Variants in PPP2R2B observed in about 807,000 individuals in gnomAD.
PPP2R2B encodes the protein protein phosphatase 2 regulatory subunit Bbeta.
Under a neutral mutation model 46.0 loss-of-function variants are expected in PPP2R2B, and 5 were observed. The observed-to-expected ratio is 0.11, with a 90% CI of 0.06 to 0.23. The LOEUF (loss-of-function observed/expected upper bound fraction) is 0.23, where lower values mean the gene tolerates loss of function less well. PPP2R2B is among the 10% of genes least tolerant of loss of function. PPP2R2B has a pLI of 1.00. For synonymous variants in PPP2R2B, 215 were observed against 206.7 expected, an observed-to-expected ratio of 1.04 and a Z score of -0.34; for missense variants, 367 against 575.0, an observed-to-expected ratio of 0.64 and a Z score of 3.70.
At chr5:146,686,921 G>A (rs1267857262) in intron 5 of PPP2R2B, among the ~76,000 whole-genome samples, 1 of 151,960 alleles carries the variant, frequency 6.6e-6, no homozygotes, top group East Asian at 1.9e-4. Flanking sequence ...GGGAAGAAGG[G>A]CATGGAGGGT....
intron 4 of PPP2R2B, among the ~76,000 whole-genome samples, chr5:146,692,345 T>C (rs552902523): frequency 2.0e-5 from 3 of 152,204 alleles, no homozygotes; most frequent in African/African-American, 2.4e-5. Context: ...CCCCAGCACT[T>C]TTTACAACTT....
chr5:147,015,707 C>G (rs1233265831), intron 1 of PPP2R2B, among the ~76,000 whole-genome samples: 2 of 150,928 alleles, frequency 1.3e-5, no homozygotes, highest in African/African-American at 4.8e-5. Flanking sequence ...AATCTTTATT[C>G]TCTTAATGTA....
At chr5:146,888,587 C>T (rs889698432) in intron 1 of PPP2R2B, among the ~76,000 whole-genome samples, 13 of 152,298 alleles carry the variant, frequency 8.5e-5, no homozygotes, top group African/African-American at 2.4e-4. Context: ...GTCACTTTTC[C>T]GCTCAAAGGC....
intron 1 of PPP2R2B, among the ~76,000 whole-genome samples, chr5:147,017,123 C>T (rs1017861693): frequency 6.6e-6 from 1 of 151,498 alleles, no homozygotes; most frequent in Non-Finnish European, 1.5e-5. Flanking sequence ...TGAAAAACTC[C>T]AAGCTAAAGA....
chr5:146,736,034 C>G (rs963555737), intron 2 of PPP2R2B, among the ~76,000 whole-genome samples: 2 of 152,072 alleles, frequency 1.3e-5, no homozygotes, highest in South Asian at 4.1e-4. Flanking sequence ...TGGGAGGGAC[C>G]AGGTGGAGAT....
chr5:146,901,922 AGG>A (rs1428226094), intron 1 of PPP2R2B, among the ~76,000 whole-genome samples: 1 of 152,200 alleles, frequency 6.6e-6, no homozygotes, highest in Non-Finnish European at 1.5e-5. Flanking sequence ...TAAGTGAGAG[AGG>A]ATGGCCAAAG....
chr5:146,799,032 A>C (rs1192749255), intron 2 of PPP2R2B, among the ~76,000 whole-genome samples: 2 of 152,110 alleles, frequency 1.3e-5, no homozygotes, highest in African/African-American at 2.4e-5. Context: ...TGACTTTTTA[A>C]TTTCTGTAGA....
intron 1 of PPP2R2B, among the ~76,000 whole-genome samples, chr5:146,920,257 TA>T (rs1193294910): frequency 6.6e-6 from 1 of 152,200 alleles, no homozygotes; most frequent in Non-Finnish European, 1.5e-5. Flanking sequence ...AGTTGCATCA[TA>T]GTTGCTCCCG....
intron 1 of PPP2R2B, among the ~76,000 whole-genome samples, chr5:146,965,699 TAA>T (rs1294546461): frequency 6.6e-6 from 1 of 152,212 alleles, no homozygotes; most frequent in Non-Finnish European, 1.5e-5. Context: ...GCTAGTATTA[TAA>T]GTACAAATAT....
At chr5:146,763,225 T>G (rs1414259777) in intron 2 of PPP2R2B, among the ~76,000 whole-genome samples, 1 of 152,084 alleles carries the variant, frequency 6.6e-6, no homozygotes, top group African/African-American at 2.4e-5. Context: ...TAAGCAAACA[T>G]GAAGGAGGAA....
At chr5:146,666,529 T>C (rs1776987605) in intron 5 of PPP2R2B, among the ~76,000 whole-genome samples, 1 of 152,216 alleles carries the variant, frequency 6.6e-6, no homozygotes, top group African/African-American at 2.4e-5. Flanking sequence ...CTCATTCCTG[T>C]GAGCTTAATA....
chr5:146,796,390 A>G (rs1756537980), intron 2 of PPP2R2B, among the ~76,000 whole-genome samples: 1 of 152,290 alleles, frequency 6.6e-6, no homozygotes, highest in Non-Finnish European at 1.5e-5. Flanking sequence ...TGATAAGTTT[A>G]AGTTATTATG....
intron 2 of PPP2R2B, 127 bp downstream of exon 2, chr5:146,877,875 C>G (rs578172569): frequency 2.6e-6 from 3 of 1,148,986 alleles, no homozygotes; most frequent in East Asian, 5.2e-5. Context: ...CGGGGCCAGC[C>G]GAGCCCCCGC....
intron 2 of PPP2R2B, among the ~76,000 whole-genome samples, chr5:146,856,022 C>T (rs191387194): frequency 2.6e-5 from 4 of 152,240 alleles, no homozygotes; most frequent in South Asian, 4.1e-4. Context: ...TTTTATTCTT[C>T]GTTATATTCA....
At chr5:146,830,694 GC>G (rs1291676331) in intron 2 of PPP2R2B, among the ~76,000 whole-genome samples, 5 of 151,974 alleles carry the variant, frequency 3.3e-5, no homozygotes, top group African/African-American at 1.2e-4. Context: ...CTGGTCTTGA[GC>G]TCCTGACCTC....
intron 1 of PPP2R2B, among the ~76,000 whole-genome samples, chr5:147,004,900 G>A (rs1232146997): frequency 1.3e-5 from 2 of 152,158 alleles, no homozygotes; most frequent in African/African-American, 4.8e-5. Context: ...CAAAAGGCTG[G>A]CCTCACTGTT....
intron 2 of PPP2R2B, chr5:146,706,342 G>T (rs542125754): frequency 3.4e-6 from 2 of 587,930 alleles, no homozygotes; most frequent in African/African-American, 3.7e-5. Flanking sequence ...AGCTCAGGCC[G>T]TAGCTGAGGC....
intron 1 of PPP2R2B, among the ~76,000 whole-genome samples, chr5:147,021,335 T>C (rs1755256942): frequency 6.6e-6 from 1 of 152,098 alleles, no homozygotes; most frequent in Admixed American, 6.5e-5. Context: ...TTTCAGGCAG[T>C]TTCATGCAGC....
In PPP2R2B at chr5:146,999,401, C is replaced by G. The variant is rs561619207; in HGVS notation, c.79+56264G>C. Among the ~76,000 whole-genome samples the G allele has an allele frequency of 2.6e-5, 4 of 152,242 alleles. No homozygotes were observed. The South Asian group carries it at 8.3e-4, about 32-fold the overall frequency. ...ATTTGCCAGCCCCATCATTCTCAGCCCTGGATGCATATTACAATCCACTTT... is the reference window on the plus strand; with the variant it reads ...ATTTGCCAGCCCCATCATTCTCAGCGCTGGATGCATATTACAATCCACTTT... On this transcript the variant is annotated intron_variant, in intron 1 of 8. Coordinates refer to the PPP2R2B transcript ENST00000336640.
Sources: gnomAD v4.1 joint callset for allele counts (sites outside exome capture counted in the v4.1 genomes callset) on GRCh38, gnomAD v4.1.1 for gene constraint, MANE v1.5 for transcripts, NCBI Gene and HGNC (gene_info 2026-07-23, HGNC 2026-07-21) for gene names.